Variants in ABR observed in about 807,000 individuals in gnomAD.
ABR encodes the protein ABR activator of RhoGEF and GTPase.
ABR carries 35 observed loss-of-function variants against 107.2 expected under a neutral mutation model. The observed-to-expected ratio is 0.33, with a 90% CI of 0.25 to 0.43. ABR has a LOEUF of 0.43. Ranked by LOEUF, ABR falls within the 20% of genes least tolerant of loss-of-function variation. The pLI is 1.00. For synonymous variants in ABR, 498 were observed against 462.0 expected, an observed-to-expected ratio of 1.08 and a Z score of -1.00; for missense variants, 815 against 1,115.2, an observed-to-expected ratio of 0.73 and a Z score of 3.83.
intron 1 of ABR, among the ~76,000 whole-genome samples, chr17:1,135,142 C>T (rs1028306438): frequency 6.6e-6 from 1 of 152,066 alleles, no homozygotes; most frequent in Non-Finnish European, 1.5e-5. Context: ...ACAGCAGGGC[C>T]CCTGGAGGGG....
At chr17:1,147,775 TC>T (rs1172895446) in intron 1 of ABR, among the ~76,000 whole-genome samples, 1 of 151,934 alleles carries the variant, frequency 6.6e-6, no homozygotes, top group Non-Finnish European at 1.5e-5. Context: ...CACACACACT[TC>T]CCAACACAGC....
At chr17:1,215,930 T>A (rs2042997044) in intron 1 of ABR, among the ~76,000 whole-genome samples, 1 of 141,778 alleles carries the variant, frequency 7.1e-6, no homozygotes, top group Non-Finnish European at 1.5e-5. Context: ...GTAAATGGAT[T>A]AAGGGCGGTG....
intron 1 of ABR, among the ~76,000 whole-genome samples, chr17:1,132,049 C>T (rs1429633790): frequency 1.3e-5 from 2 of 152,088 alleles, no homozygotes; most frequent in Non-Finnish European, 2.9e-5. Flanking sequence ...ACACACTGCT[C>T]CCGTGCCTAG....
intron 5 of ABR, among the ~76,000 whole-genome samples, chr17:1,079,887 C>T (rs1381974399): frequency 2.0e-5 from 3 of 150,660 alleles, no homozygotes; most frequent in East Asian, 3.9e-4. Flanking sequence ...CCCTGCACCA[C>T]ACCTGTGAAC....
intron 4 of ABR, chr17:1,083,849 G>C (rs950273177): frequency 3.8e-6 from 2 of 526,304 alleles, no homozygotes; most frequent in African/African-American, 3.9e-5. Context: ...TTAATGAGGG[G>C]GTCTGGGGTT....
intron 16 of ABR, among the ~76,000 whole-genome samples, chr17:1,034,866 G>A (rs775048784): frequency 1.3e-5 from 2 of 152,100 alleles, no homozygotes; most frequent in African/African-American, 2.4e-5. Flanking sequence ...CGCCGGGTGT[G>A]GGGGAGAAGG....
chr17:1,060,492 C>T (rs1246113319), intron 10 of ABR, among the ~76,000 whole-genome samples: 1 of 152,134 alleles, frequency 6.6e-6, no homozygotes, highest in African/African-American at 2.4e-5. Context: ...CAAAACAGCA[C>T]GTGTAGTCTA....
rs747604031 is a variant in ABR at position 1,148,434 on chromosome 17, G to T, written c.62-23067C>A. On this transcript the variant is annotated intron_variant, in intron 1 of 22. Coordinates refer to ENST00000302538, the MANE Select transcript of ABR (RefSeq NM_021962.5). The surrounding 1 kb of genome is among the most constrained non-coding windows in gnomAD (Gnocchi z 4.9). Reference sequence around the variant, plus strand: ...GGAGGGTGGTGGCCAGGAGCTGGGGGCTGGAGAAACGGGGAGCTGTTGTTC... The same window carrying T: ...GGAGGGTGGTGGCCAGGAGCTGGGGTCTGGAGAAACGGGGAGCTGTTGTTC... 6.6e-6 allele frequency among the ~76,000 whole-genome samples: 1 copy of T among 152,156 alleles called. No homozygotes were observed. Among genetic ancestry groups the T allele is most frequent in the African/African-American group, 2.4e-5 (1 of 41,432 alleles).
intron 1 of ABR, among the ~76,000 whole-genome samples, chr17:1,186,531 C>T (rs747494861): frequency 7.9e-5 from 12 of 152,210 alleles, no homozygotes; most frequent in Non-Finnish European, 1.8e-4. Flanking sequence ...CCCCACACGC[C>T]CCCACACACT....
chr17:1,218,160 A>G (rs565172809), intron 1 of ABR, among the ~76,000 whole-genome samples: 2 of 152,328 alleles, frequency 1.3e-5, no homozygotes, highest in East Asian at 1.9e-4. Context: ...CCCATGCTAC[A>G]TTATTTCATT....
In ABR at chr17:1,011,850, A is replaced by G; in HGVS notation, c.2097T>C (p.Asp699=). The G allele has an allele frequency of 1.9e-6, 3 of 1,573,408 alleles. No individual in the cohort carries two copies. The highest frequency in any genetic ancestry group is 2.6e-6 in the Non-Finnish European group (3 of 1,152,276). The change falls in exon 19 of 23, where the codon GAT becomes GAC. Residue 699 remains aspartate (D), a synonymous_variant. Transcript: ENST00000302538. This position sits in a 1 kb window ranked among gnomAD's most constrained non-coding sequence, Gnocchi z 4.8. ...GGCTGGGCCTCCCAGACTCACTGGC[A>G]TCGAAGACGGCCTTGAGCGCCTGGA... ...TDIQALKAVF[D]ANNKDILLML...
chr17:1,107,761 C>CT (rs1217187467), intron 2 of ABR, among the ~76,000 whole-genome samples: 1 of 152,240 alleles, frequency 6.6e-6, no homozygotes, highest in Non-Finnish European at 1.5e-5. Context: ...CCTACGCCAG[C>CT]ACCAGATCAG....
Position 1,150,129 on chromosome 17 carries a change from G to A in ABR, c.62-24762C>T, listed in dbSNP as rs116993349. Among the ~76,000 whole-genome samples, 659 of 151,262 alleles carry A rather than the reference G, an allele frequency of 4.4e-3. 30 individuals carry two copies. In the East Asian group the frequency reaches 0.11, roughly 25 times the overall value. On this transcript the variant is annotated intron_variant, in intron 1 of 22. Transcript: ENST00000302538. This position sits in a 1 kb window ranked among gnomAD's most constrained non-coding sequence, Gnocchi z 4.8. The stretch of plus-strand genomic sequence containing the variant: ...CACCGAGAGGAAGGCCAGCTTGCCC[G>A]GTGTCTTCTCAAGGGCTGACACACT...
At chr17:1,123,088 G>T (rs181052646) in intron 2 of ABR, among the ~76,000 whole-genome samples, 8 of 152,122 alleles carry the variant, frequency 5.3e-5, no homozygotes, top group African/African-American at 1.2e-4. Flanking sequence ...AGGAAGAGGC[G>T]TCAGCTCCCT....
At chr17:1,090,609 G>A (rs977349908) in intron 4 of ABR, among the ~76,000 whole-genome samples, 1 of 152,202 alleles carries the variant, frequency 6.6e-6, no homozygotes, top group Non-Finnish European at 1.5e-5. Context: ...AGGTGACGCC[G>A]GAGGCAGGGA....
Position 1,039,146 on chromosome 17 carries a change from T to C in ABR, c.1791+10904A>G, listed in dbSNP as rs777704271. ...AGGCTGGATGTTCTCAGGGCCTGAC[T>C]GCATCGGCTCCTGAGGTCCTGTCTG... On this transcript the variant is annotated intron_variant, in intron 16 of 22. Coordinates refer to ENST00000302538, the MANE Select transcript of ABR (RefSeq NM_021962.5). Among the ~76,000 whole-genome samples, 58 of 152,290 alleles carry C rather than the reference T, an allele frequency of 3.8e-4. No individual in the cohort carries two copies. The Middle Eastern group carries it at 0.024, about 63-fold the overall frequency.
chr17:1,050,438 A>T lies in ABR; in HGVS notation c.1659+99T>A, dbSNP rs2032337446. 43 of 1,179,520 alleles carry T rather than the reference A, an allele frequency of 3.6e-5. No homozygotes were observed. The highest frequency in any genetic ancestry group is 5.2e-5 in the Non-Finnish European group (41 of 790,840). The allele number at this position is 1,179,520 out of a possible 1,614,324, so 73.1% of individuals were successfully genotyped here. A position where few individuals can be genotyped will look rare whatever the true frequency, so the allele number is the denominator to read the frequency against. On this transcript the variant is annotated intron_variant, in intron 15 of 22. Transcript: ENST00000302538. The surrounding 1 kb of genome is among the most constrained non-coding windows in gnomAD (Gnocchi z 4.6). Reference sequence around the variant, plus strand: ...GCAGGGAGCAGAAAGGGGGGTGCAGACATAGCTGGTCCAACCAATGGGCTG... The same window carrying T: ...GCAGGGAGCAGAAAGGGGGGTGCAGTCATAGCTGGTCCAACCAATGGGCTG...
intron 20 of ABR, 85 bp from the exon 21 acceptor site, chr17:1,009,869 C>T (rs774267590): frequency 3.8e-5 from 46 of 1,211,610 alleles, no homozygotes; most frequent in East Asian, 7.1e-5. Context: ...TGGGCCCCTG[C>T]GGGAGAGAGC....
intron 2 of ABR, among the ~76,000 whole-genome samples, chr17:1,104,580 G>A (rs1280286511): frequency 6.6e-6 from 1 of 152,224 alleles, no homozygotes; most frequent in African/African-American, 2.4e-5. Flanking sequence ...AGATGCCACT[G>A]GGCCTGGGGG....
Sources: gnomAD v4.1 joint callset for allele counts (sites outside exome capture counted in the v4.1 genomes callset) on GRCh38, gnomAD v4.1.1 for gene constraint, Gnocchi (gnomAD v3.1) non-coding constraint, MANE v1.5 for transcripts, NCBI Gene and HGNC (gene_info 2026-07-23, HGNC 2026-07-21) for gene names.